PXDN: variants seen among roughly 807,000 people sequenced by gnomAD.
PXDN encodes peroxidasin, also known as peroxidasin homolog.
Under a neutral mutation model 140.3 loss-of-function variants are expected in PXDN, and 77 were observed. The ratio of observed to expected loss-of-function variants is 0.55; its 90% confidence interval spans 0.46 to 0.66. The LOEUF is 0.66. Among genes scored for constraint, PXDN ranks in the 30% least tolerant of loss-of-function variants. The pLI is 0.00. For synonymous variants in PXDN, 911 were observed against 857.4 expected, an observed-to-expected ratio of 1.06 and a Z score of -1.09; for missense variants, 1,838 against 2,039.5, an observed-to-expected ratio of 0.90 and a Z score of 1.90.
intron 9 of PXDN, among the ~76,000 whole-genome samples, chr2:1,673,127 G>C (rs1215473552): frequency 1.3e-5 from 2 of 152,354 alleles, no homozygotes; most frequent in Non-Finnish European, 2.9e-5. Context: ...AGATGGATGA[G>C]AGGCCACAGC....
In PXDN at chr2:1,744,434, G is replaced by A; in HGVS notation, c.22C>T (p.Pro8Ser). Residue 8 changes from proline (P) to serine (S), a missense_variant, in exon 1 of 23, where the codon CCC (proline) becomes TCC (serine). Around this residue, in one of 5 missense-constraint regions of PXDN, gnomAD observed 231 missense variants for 201.5 expected, o/e 1.15. Transcript: ENST00000252804. MAKRSRG[P>S]GRRCLLALVL... ...AGCGCCAACAGGCAGCGGCGCCCGGGGCCCCTGGAGCGCTTGGCCATGGCC... is the reference window on the plus strand; with the variant it reads ...AGCGCCAACAGGCAGCGGCGCCCGGAGCCCCTGGAGCGCTTGGCCATGGCC... 1.3e-6 allele frequency: 2 copies of A among 1,498,546 alleles called. No homozygotes were observed. The allele number at this position is 1,498,546 out of a possible 1,614,324, so 92.8% of individuals were successfully genotyped here.
At chr2:1,647,445 T>G (rs147023574) in intron 17 of PXDN, among the ~76,000 whole-genome samples, 4 of 152,282 alleles carry the variant, frequency 2.6e-5, no homozygotes, top group Admixed American at 2.6e-4. Context: ...GTCACTGCTT[T>G]GCCTGTAAAA....
intron 1 of PXDN, among the ~76,000 whole-genome samples, chr2:1,742,886 C>T (rs1558535914): frequency 1.3e-5 from 2 of 152,226 alleles, no homozygotes; most frequent in Admixed American, 1.3e-4. Context: ...GTGGTCTGTC[C>T]CAGCACTTTG....
chr2:1,698,870 A>G (rs1455268538), intron 1 of PXDN, among the ~76,000 whole-genome samples: 1 of 152,214 alleles, frequency 6.6e-6, no homozygotes, highest in African/African-American at 2.4e-5. Context: ...TTCAATTTAC[A>G]GTCTCAAAAA....
chr2:1,680,713 G>A (rs539668579), intron 6 of PXDN, among the ~76,000 whole-genome samples: 1 of 152,194 alleles, frequency 6.6e-6, no homozygotes, highest in Non-Finnish European at 1.5e-5. Flanking sequence ...TTGTGAAGGA[G>A]ACCAGGTGGG....
chr2:1,658,162 GAGGCTGC>G (rs1310557209), intron 14 of PXDN, among the ~76,000 whole-genome samples: 4 of 150,722 alleles, frequency 2.7e-5, no homozygotes, highest in Non-Finnish European at 5.9e-5. Context: ...CCCGGCCTCT[GAGGCTGC>G]AGCTCCAGCA....
intron 19 of PXDN, among the ~76,000 whole-genome samples, chr2:1,642,251 C>T (rs1682744925): frequency 6.6e-6 from 1 of 152,212 alleles, no homozygotes; most frequent in East Asian, 1.9e-4. Flanking sequence ...CACACACACC[C>T]CACAGTCGCA....
rs749902433 is a variant in PXDN, at chr2:1,664,943, C to T, written c.1408+15G>A. 31 of 1,569,256 alleles carry T rather than the reference C, an allele frequency of 2.0e-5. No individual in the cohort carries two copies. In the South Asian group the frequency reaches 2.4e-4, roughly 12 times the overall value. ...GCCGCGGAGGGAGCAGGCAAAGGGC[C>T]GGCCTGGGTCTTACCTCCCTTGGTC... On this transcript the variant is annotated intron_variant, in intron 11 of 22. Coordinates refer to ENST00000252804, the MANE Select transcript of PXDN (RefSeq NM_012293.3).
rs1683439386 is a variant in PXDN, at chr2:1,666,307, G to C, written c.1198C>G (p.Gln400Glu). 6.2e-7 allele frequency: 1 copy of C among 1,614,052 alleles called. No homozygotes were observed. ...CCGCTGTCCCCCTGTACGACGTTCT[G>C]TATGTAAAGCCCGCCAGAAGGCGTG... is the stretch of plus-strand genomic sequence containing the variant. ...NITPSGGLYI[Q>E]NVVQGDSGEY... The change falls in exon 10 of 23, where the codon CAG (glutamine) becomes GAG (glutamate). Residue 400 changes from glutamine to glutamate, a missense_variant. Around this residue, in one of 5 missense-constraint regions of PXDN, gnomAD observed 537 missense variants for 583.9 expected, o/e 0.92. Coordinates refer to ENST00000252804, the MANE Select transcript of PXDN (RefSeq NM_012293.3).
Position 1,743,653 on chromosome 2 carries a change from A to T in PXDN, c.200+603T>A, listed in dbSNP as rs1572210984. ...CTGGGGGAGGAGAAGGAAGGGGGGG[A>T]GGAGGAGGGGAAGGGAGGAGGAGGA... On this transcript the variant is annotated intron_variant, in intron 1 of 22. Transcript: ENST00000252804. Among the ~76,000 whole-genome samples, 3 of 93,898 alleles carry T rather than the reference A, an allele frequency of 3.2e-5. No individual in the cohort carries two copies. In the South Asian group the frequency reaches 1.3e-3, roughly 40 times the overall value. The allele number at this position is 93,898 out of a possible 152,430, so 61.6% of individuals were successfully genotyped here. A position where few individuals can be genotyped will look rare whatever the true frequency, so the allele number is the denominator to read the frequency against.
intron 3 of PXDN, among the ~76,000 whole-genome samples, chr2:1,688,026 C>G (rs567858081): frequency 6.6e-6 from 1 of 152,284 alleles, no homozygotes; most frequent in East Asian, 1.9e-4. Flanking sequence ...AAGATAAAAA[C>G]CATTTTCCAC....
chr2:1,649,647 TGGAGACACCAGG>T lies in PXDN; in HGVS notation c.2121_2132del (p.Asp707_Pro711delinsGlu). Reference sequence around the variant, plus strand: ...GGTTTGCGATGAGGTTCAGGTACTGTGGAGACACCAGGTCGTTGTAGTGGTAACCTGGGACGT... The same window carrying T: ...GGTTTGCGATGAGGTTCAGGTACTGTTCGTTGTAGTGGTAACCTGGGACGT... On this transcript the variant is annotated inframe_deletion, in exon 17 of 23. Transcript: ENST00000252804. The surrounding 1 kb of genome is among the most constrained non-coding windows in gnomAD (Gnocchi z 7.1). The T allele has an allele frequency of 6.2e-7, 1 of 1,613,902 alleles. No individual in the cohort carries two copies.
At chr2:1,697,375 AG>A (rs1169411391) in intron 1 of PXDN, among the ~76,000 whole-genome samples, 11 of 152,210 alleles carry the variant, frequency 7.2e-5, no homozygotes, top group African/African-American at 2.7e-4. Context: ...ATTGACATAA[AG>A]CTTACAATAA....
At chr2:1,724,234 C>A (rs1361401873) in intron 1 of PXDN, among the ~76,000 whole-genome samples, 1 of 151,302 alleles carries the variant, frequency 6.6e-6, no homozygotes. Context: ...CTAAGAGTTT[C>A]AATCCGTGCT....
chr2:1,665,171 C>A, intron 10 of PXDN, 97 bp from the exon 11 acceptor site: 1 of 872,330 alleles, frequency 1.1e-6, no homozygotes, highest in East Asian at 2.6e-5. Flanking sequence ...AGACGTCTGA[C>A]CATTAGGAGC....
chr2:1,675,406 C>T (rs1189570549), intron 8 of PXDN, among the ~76,000 whole-genome samples: 5 of 152,166 alleles, frequency 3.3e-5, no homozygotes, highest in Non-Finnish European at 7.3e-5. Flanking sequence ...CAAATTTATG[C>T]TTCCCTGACT....
chr2:1,737,802 G>T (rs886617907), intron 1 of PXDN, among the ~76,000 whole-genome samples: 13 of 152,330 alleles, frequency 8.5e-5, no homozygotes, highest in South Asian at 6.2e-4. Flanking sequence ...GCCTCCCAAA[G>T]TGCTGGGATT....
At chr2:1,658,074 CTCTCTCTCT>C (rs1553359685) in intron 14 of PXDN, among the ~76,000 whole-genome samples, 1 of 79,140 alleles carries the variant, frequency 1.3e-5, no homozygotes, top group African/African-American at 4.7e-5. Context: ...CTCTCTCTCT[CTCTCTCTCT>C]CTCTCTCTCT....
In PXDN at chr2:1,687,834, T is replaced by C. The variant is rs1684096299; in HGVS notation, c.345-131A>G. ...ACTGTATTAGAATGCAAACAAACCA[T>C]CTGCACGGTGAGTACAGTGCCTCTC... is the stretch of plus-strand genomic sequence containing the variant. On this transcript the variant is annotated intron_variant, in intron 3 of 22. Transcript: ENST00000252804. The surrounding 1 kb of genome is among the most constrained non-coding windows in gnomAD (Gnocchi z 4.0). The C allele has an allele frequency of 1.5e-6, 1 of 665,710 alleles. No individual in the cohort carries two copies. The highest frequency in any genetic ancestry group is 1.8e-5 in the African/African-American group (1 of 56,018). 41.2% of individuals were successfully genotyped at this position (665,710 alleles called of 1,614,324 possible).
Sources: allele counts gnomAD v4.1 joint callset (sites outside exome capture counted in the v4.1 genomes callset), GRCh38; gene constraint gnomAD v4.1.1; regional missense constraint gnomAD v4.1.1; non-coding constraint Gnocchi (gnomAD v3.1); transcripts MANE v1.5; gene names NCBI Gene and HGNC (gene_info 2026-07-23, HGNC 2026-07-21).